The following CLNK variants were observed in gnomAD, a reference collection of about 807,000 sequenced individuals.
CLNK encodes cytokine dependent hematopoietic cell linker, also known as cytokine-dependent hematopoietic cell linker.
In CLNK, 74 loss-of-function variants were observed where a neutral mutation model predicts 68.6. That is an observed-to-expected ratio of 1.08 (90% confidence interval 0.89 to 1.31). The LOEUF (loss-of-function observed/expected upper bound fraction) is 1.31, where lower values mean the gene tolerates loss of function less well. CLNK is among the 50% of genes most tolerant of loss of function. CLNK has a pLI of 0.00. For missense variants in CLNK, 553 were observed against 515.3 expected, an observed-to-expected ratio of 1.07 and a Z score of -0.71; for synonymous variants, 198 against 172.2, an observed-to-expected ratio of 1.15 and a Z score of -1.17.
chr4:10,570,850 G>A (rs949188001), intron 5 of CLNK, among the ~76,000 whole-genome samples: 1 of 152,044 alleles, frequency 6.6e-6, no homozygotes, highest in Non-Finnish European at 1.5e-5. Context: ...TATTGCAAAT[G>A]ATTTCATAAA....
chr4:10,694,863 T>C, the CLNK span, among the ~76,000 whole-genome samples: 7 of 152,204 alleles, frequency 4.6e-5, no homozygotes, highest in South Asian at 2.1e-4. Flanking sequence ...GCTTCACTCA[T>C]GTTGTTGCAA....
chr4:10,644,595 A>T (rs148176742), intron 2 of CLNK, among the ~76,000 whole-genome samples: 9 of 152,330 alleles, frequency 5.9e-5, no homozygotes, highest in South Asian at 4.1e-4. Flanking sequence ...ACAGGGTGAG[A>T]CACATGAGGC....
At chr4:10,668,778 A>T (rs1247113541) in intron 1 of CLNK, among the ~76,000 whole-genome samples, 1 of 152,148 alleles carries the variant, frequency 6.6e-6, no homozygotes, top group Non-Finnish European at 1.5e-5. Context: ...TGGGACCTGC[A>T]GGGAGGGAGC....
chr4:10,655,003 A>T (rs1419259338), intron 2 of CLNK, among the ~76,000 whole-genome samples: 1 of 148,330 alleles, frequency 6.7e-6, no homozygotes, highest in Non-Finnish European at 1.5e-5. Context: ...AGGGAGGCTG[A>T]GGCAGGAGAA....
intron 2 of CLNK, among the ~76,000 whole-genome samples, chr4:10,601,466 G>C (rs2108847561): frequency 6.6e-6 from 1 of 152,296 alleles, no homozygotes; most frequent in East Asian, 1.9e-4. Context: ...AGCATTACCA[G>C]GTCTCCCTGC....
rs963162893 is a variant in CLNK at position 10,488,230 on chromosome 4, C to T, written c.*2237G>A. 2.0e-5 allele frequency: 3 copies of T among 152,118 alleles called. No homozygotes were observed. The highest frequency in any genetic ancestry group is 4.4e-5 in the Non-Finnish European group (3 of 68,046). The allele number at this position is 152,118 out of a possible 1,614,324, so 9.4% of individuals were successfully genotyped here. On this transcript the variant is annotated 3_prime_UTR_variant, in exon 19 of 19. Coordinates refer to ENST00000226951, the MANE Select transcript of CLNK (RefSeq NM_052964.4). The stretch of plus-strand genomic sequence containing the variant: ...AGAGACGATAAAATATTATTTCAAA[C>T]GTACACCTTATCAAATGCTAACCCC...
At chr4:10,642,015 A>T (rs1194831321) in intron 2 of CLNK, among the ~76,000 whole-genome samples, 1 of 151,516 alleles carries the variant, frequency 6.6e-6, no homozygotes, top group Admixed American at 6.6e-5. Context: ...AGTCCATTAA[A>T]CCTCTTTTTC....
intron 13 of CLNK, among the ~76,000 whole-genome samples, 173 bp downstream of exon 13, chr4:10,527,903 G>A (rs1409979162): frequency 6.6e-6 from 1 of 152,070 alleles, no homozygotes; most frequent in African/African-American, 2.4e-5. Flanking sequence ...AGGACTCTGA[G>A]GTCCTGGGGA....
At chr4:10,648,399 T>C (rs917866434) in intron 2 of CLNK, among the ~76,000 whole-genome samples, 29 of 152,218 alleles carry the variant, frequency 1.9e-4, no homozygotes. Flanking sequence ...ATGCCACATA[T>C]TTCTCATGTG....
chr4:10,686,798 A>G (rs76914786), upstream of CLNK, among the ~76,000 whole-genome samples: 6,055 of 152,264 alleles, frequency 0.04, 167 homozygotes, highest in Middle Eastern at 0.078. Flanking sequence ...GACTGCAATA[A>G]GAACCCAAGT....
At chr4:10,588,192 C>A (rs1388060157) in intron 3 of CLNK, among the ~76,000 whole-genome samples, 2 of 152,122 alleles carry the variant, frequency 1.3e-5, no homozygotes, top group Non-Finnish European at 2.9e-5. Context: ...CCAACGCAGG[C>A]GGCATGCAAA....
chr4:10,706,709 CCTT>C, the CLNK span, among the ~76,000 whole-genome samples: 1 of 152,136 alleles, frequency 6.6e-6, no homozygotes, highest in African/African-American at 2.4e-5. Context: ...TCTGTGGTCT[CCTT>C]TGTGCAGGTA....
the CLNK span, among the ~76,000 whole-genome samples, chr4:10,706,505 C>T: frequency 6.6e-6 from 1 of 152,206 alleles, no homozygotes; most frequent in Non-Finnish European, 1.5e-5. Context: ...TCAATTCCTC[C>T]TGAGGCAATC....
chr4:10,513,684 C>T (rs1717706393), intron 15 of CLNK, 87 bp from the exon 16 acceptor site: 3 of 1,351,148 alleles, frequency 2.2e-6, no homozygotes, highest in East Asian at 5.2e-5. Flanking sequence ...AAACCCTTTG[C>T]TCCTTCCTAT....
chr4:10,660,364 T>C (rs760898133), intron 2 of CLNK, among the ~76,000 whole-genome samples: 6 of 152,218 alleles, frequency 3.9e-5, no homozygotes, highest in Non-Finnish European at 7.3e-5. Flanking sequence ...ATACATATGA[T>C]ACTTCAAGTT....
chr4:10,637,128 G>T (rs1723122363), intron 2 of CLNK, among the ~76,000 whole-genome samples: 1 of 152,184 alleles, frequency 6.6e-6, no homozygotes, highest in South Asian at 2.1e-4. Context: ...TCTGGGTTCT[G>T]TGAGGTTGCT....
chr4:10,596,037 C>G (rs1721370526), intron 3 of CLNK, among the ~76,000 whole-genome samples: 1 of 152,104 alleles, frequency 6.6e-6, no homozygotes, highest in Admixed American at 6.5e-5. Context: ...ATTTGTTTTT[C>G]TTTTTGAGAC....
chr4:10,599,045 T>A lies in CLNK; in HGVS notation c.12-996A>T, dbSNP rs1447941942. 4.6e-5 allele frequency among the ~76,000 whole-genome samples: 7 copies of A among 152,358 alleles called. No homozygotes were observed. In the East Asian group the frequency reaches 1.3e-3, roughly 29 times the overall value. Reference sequence around the variant, plus strand: ...GCTCAAGTGCTACTTCCTCAGAGAATCCTCCTCGGCCTCACAGACTCGCTC... The same window carrying A: ...GCTCAAGTGCTACTTCCTCAGAGAAACCTCCTCGGCCTCACAGACTCGCTC... On this transcript the variant is annotated intron_variant, in intron 2 of 18. Coordinates refer to ENST00000226951, the MANE Select transcript of CLNK (RefSeq NM_052964.4).
At chr4:10,567,485 T>G (rs1720167576) in intron 5 of CLNK, among the ~76,000 whole-genome samples, 1 of 152,228 alleles carries the variant, frequency 6.6e-6, no homozygotes, top group African/African-American at 2.4e-5. Context: ...TATAAAACCC[T>G]TAAAATATTG....
Sources: allele counts gnomAD v4.1 joint callset (sites outside exome capture counted in the v4.1 genomes callset), GRCh38; gene constraint gnomAD v4.1.1; transcripts MANE v1.5; gene names NCBI Gene and HGNC (gene_info 2026-07-23, HGNC 2026-07-21).